Variants in ILDR1 observed in about 807,000 individuals in gnomAD.
ILDR1 encodes immunoglobulin-like domain-containing receptor 1.
A neutral mutation model predicts 62.4 loss-of-function variants in ILDR1; 56 were observed. The observed-to-expected ratio is 0.90, with a 90% CI of 0.72 to 1.12. The LOEUF is 1.12. ILDR1 is among the 50% of genes most tolerant of loss of function. The pLI, the probability that ILDR1 is intolerant of heterozygous loss-of-function variation, is 0.00. For synonymous variants in ILDR1, 284 were observed against 277.8 expected, an observed-to-expected ratio of 1.02 and a Z score of -0.22; for missense variants, 736 against 710.6, an observed-to-expected ratio of 1.04 and a Z score of -0.41.
the ILDR1 span, among the ~76,000 whole-genome samples, chr3:122,031,962 C>CAATTTTTTA: frequency 6.6e-6 from 1 of 152,126 alleles, no homozygotes; most frequent in Non-Finnish European, 1.5e-5. Context: ...GATATCTTAA[C>CAATTTTTTA]AATTTTTTAA....
intron 1 of ILDR1, among the ~76,000 whole-genome samples, chr3:122,019,462 G>A (rs760586119): frequency 6.6e-6 from 1 of 152,182 alleles, no homozygotes; most frequent in Non-Finnish European, 1.5e-5. Flanking sequence ...CCACTGCTTT[G>A]ATAGATATTG....
chr3:122,034,864 C>A, the ILDR1 span, among the ~76,000 whole-genome samples: 1 of 152,108 alleles, frequency 6.6e-6, no homozygotes, highest in East Asian at 1.9e-4. Flanking sequence ...AGGGGAACAC[C>A]CCTTTTTGAA....
At chr3:122,027,623 A>T in the ILDR1 span, among the ~76,000 whole-genome samples, 4 of 152,212 alleles carry the variant, frequency 2.6e-5, no homozygotes, top group Admixed American at 6.5e-5. Context: ...AGAATCTGAA[A>T]TTTTTTCAGA....
In ILDR1 at chr3:121,994,290, T is replaced by A. The variant is rs1269881067; in HGVS notation, c.670A>T (p.Lys224Ter). ...TGAGGACCTAGGGCCTGGGCCTGCT[T>A]CATGTAGCGGTGGCGGGCCAGGGCT... ...EEALARHRYM[K>*]QAQALGPQMM... Residue 224 changes from lysine (K) to a stop codon, truncating the protein, a stop_gained, in exon 6 of 8, where the codon AAG (lysine) becomes TAG (stop). Transcript: ENST00000344209. LOFTEE classifies it high-confidence loss of function. 6.5e-7 allele frequency: 1 copy of A among 1,535,688 alleles called. No homozygotes were observed. Among genetic ancestry groups the A allele is most frequent in the Admixed American group, 2.0e-5 (1 of 50,980 alleles).
At chr3:122,041,900 ATTTCTT>A in the ILDR1 span, among the ~76,000 whole-genome samples, 1 of 137,526 alleles carries the variant, frequency 7.3e-6, no homozygotes, top group Non-Finnish European at 1.6e-5. Flanking sequence ...AATGCCCTTT[ATTTCTT>A]TTTCTTTTTT....
intron 1 of ILDR1, among the ~76,000 whole-genome samples, chr3:122,018,147 G>A (rs2071802975): frequency 2.0e-5 from 3 of 152,120 alleles, no homozygotes; most frequent in South Asian, 2.1e-4. Context: ...CAACCCAAAT[G>A]TCCATCAATG....
At chr3:122,024,756 G>A (rs750365039), upstream of ILDR1, among the ~76,000 whole-genome samples, 4 of 152,212 alleles carry the variant, frequency 2.6e-5, no homozygotes, top group Non-Finnish European at 4.4e-5. Context: ...TCAATGTTAC[G>A]ATGCTGGTAA....
intron 5 of ILDR1, among the ~76,000 whole-genome samples, chr3:121,997,847 C>T (rs540833133): frequency 1.3e-5 from 2 of 152,328 alleles, no homozygotes; most frequent in African/African-American, 2.4e-5. Flanking sequence ...TCTTTAAGTC[C>T]TACAGAGGGC....
rs180838731 is a variant in ILDR1 at position 121,993,407 on chromosome 3, G to A, written c.1342C>T (p.Arg448Cys). 75 of 1,613,478 alleles carry A rather than the reference G, an allele frequency of 4.6e-5. No homozygotes were observed. The highest frequency in any genetic ancestry group is 8.3e-5 in the Admixed American group (5 of 60,008). ...GTGCTCTCCCGGGGGCTGGGCCTGCGGGGCCTCTCCTGACAGCGGCTCCTG... is the reference window on the plus strand; with the variant it reads ...GTGCTCTCCCGGGGGCTGGGCCTGCAGGGCCTCTCCTGACAGCGGCTCCTG... Reference protein sequence around the residue: ...PFRSRCQERPRRPSPRESTQR... With the variant: ...PFRSRCQERPCRPSPRESTQR... Residue 448 changes from arginine to cysteine, a missense_variant, in exon 7 of 8, where the codon CGC (arginine) becomes TGC (cysteine). Coordinates refer to ENST00000344209, the MANE Select transcript of ILDR1 (RefSeq NM_001199799.2).
chr3:122,013,929 T>C (rs2071740686), intron 1 of ILDR1, among the ~76,000 whole-genome samples: 2 of 152,226 alleles, frequency 1.3e-5, no homozygotes, highest in South Asian at 4.1e-4. Flanking sequence ...ATTTAACCTT[T>C]GCAAGAAACT....
chr3:122,055,561 G>A, the ILDR1 span: 2 of 1,526,164 alleles, frequency 1.3e-6, no homozygotes, highest in Non-Finnish European at 1.8e-6. Flanking sequence ...GCAGTGAAAG[G>A]CTGAGGTTGA....
intron 1 of ILDR1, among the ~76,000 whole-genome samples, chr3:122,008,538 G>A (rs1423772817): frequency 6.6e-6 from 1 of 151,768 alleles, no homozygotes; most frequent in Non-Finnish European, 1.5e-5. Flanking sequence ...TAGGACTTGG[G>A]TGAGGCCCAG....
the ILDR1 span, among the ~76,000 whole-genome samples, chr3:122,046,337 T>C: frequency 9.9e-5 from 15 of 151,828 alleles, no homozygotes; most frequent in Admixed American, 5.9e-4. Flanking sequence ...CCTTTCTCTC[T>C]GGTTGCCCTT....
the ILDR1 span, among the ~76,000 whole-genome samples, chr3:122,057,973 G>A: frequency 2.0e-5 from 3 of 152,186 alleles, no homozygotes; most frequent in Middle Eastern, 3.2e-3. Context: ...CAACTTCCTA[G>A]CTATGTGATT....
the ILDR1 span, among the ~76,000 whole-genome samples, chr3:122,059,303 C>T: frequency 1.3e-5 from 2 of 152,164 alleles, no homozygotes; most frequent in South Asian, 4.1e-4. Flanking sequence ...AAAACCTTGA[C>T]ATCTAAGGAG....
chr3:122,051,892 TAGAG>T, the ILDR1 span, among the ~76,000 whole-genome samples: 1 of 152,176 alleles, frequency 6.6e-6, no homozygotes, highest in African/African-American at 2.4e-5. Context: ...GATTCCTAAG[TAGAG>T]AGATTTTCTG....
intron 1 of ILDR1, among the ~76,000 whole-genome samples, chr3:122,014,413 T>C (rs2071749920): frequency 6.6e-6 from 1 of 152,242 alleles, no homozygotes; most frequent in South Asian, 2.1e-4. Context: ...ATATATTGTA[T>C]ATCAGTATAT....
At chr3:122,035,730 C>G in the ILDR1 span, among the ~76,000 whole-genome samples, 1 of 152,150 alleles carries the variant, frequency 6.6e-6, no homozygotes, top group Non-Finnish European at 1.5e-5. Flanking sequence ...TTCTGTTCAG[C>G]CTGTGGAACA....
chr3:122,020,806 T>A (rs977541942), intron 1 of ILDR1, among the ~76,000 whole-genome samples: 5 of 152,210 alleles, frequency 3.3e-5, no homozygotes, highest in African/African-American at 1.2e-4. Flanking sequence ...GTGTCCAACA[T>A]CTAGTCTTGT....
Sources: gnomAD v4.1 joint callset for allele counts (sites outside exome capture counted in the v4.1 genomes callset) on GRCh38, gnomAD v4.1.1 for gene constraint, MANE v1.5 for transcripts, NCBI Gene and HGNC (gene_info 2026-07-23, HGNC 2026-07-21) for gene names.